Variants in GID4 observed in about 807,000 individuals in gnomAD.
The protein encoded by GID4 is GID complex subunit 4 homolog, also known as glucose-induced degradation protein 4 homolog.
In GID4, 7 loss-of-function variants were observed where a neutral mutation model predicts 32.4. The observed-to-expected ratio is 0.22, with a 90% confidence interval of 0.12 to 0.41. GID4 has a LOEUF of 0.41. GID4 is among the 10% of genes least tolerant of loss of function. The pLI, the probability that GID4 is intolerant of heterozygous loss-of-function variation, is 1.00. For synonymous variants in GID4, 166 were observed against 170.0 expected (o/e 0.98, Z 0.18); for missense variants, 309 against 400.0 (o/e 0.77, Z 1.94).
At chr17:18,040,006 G>A in intron 1 of GID4, 104 bp downstream of exon 1, 1 of 1,247,180 alleles carries the variant, frequency 8.0e-7, no homozygotes, top group Non-Finnish European at 1.0e-6. Flanking sequence ...GGCCCTCGCC[G>A]CCGGGGCCTC....
At chr17:18,046,344 C>T (rs922640740) in intron 2 of GID4, among the ~76,000 whole-genome samples, 2 of 152,192 alleles carry the variant, frequency 1.3e-5, no homozygotes, top group Non-Finnish European at 2.9e-5. Flanking sequence ...GTGGCTCACA[C>T]CTGTAATCCC....
At chr17:18,042,877 C>G (rs1277650913) in intron 1 of GID4, among the ~76,000 whole-genome samples, 1 of 152,180 alleles carries the variant, frequency 6.6e-6, no homozygotes, top group Non-Finnish European at 1.5e-5. Context: ...ATTTGAATTT[C>G]TATAATGACT....
At chr17:18,043,008 C>T (rs1275021528) in intron 1 of GID4, among the ~76,000 whole-genome samples, 3 of 152,172 alleles carry the variant, frequency 2.0e-5, no homozygotes, top group Admixed American at 6.5e-5. Flanking sequence ...TGGGTCTCCT[C>T]TCCACCCCGC....
At chr17:18,055,999 C>T (rs939536998) in intron 3 of GID4, among the ~76,000 whole-genome samples, 5 of 152,066 alleles carry the variant, frequency 3.3e-5, no homozygotes, top group Non-Finnish European at 5.9e-5. Context: ...GGATTACAGA[C>T]GTGCACCACC....
chr17:18,064,184 G>T (rs184758301), intron 5 of GID4, among the ~76,000 whole-genome samples: 1 of 152,234 alleles, frequency 6.6e-6, no homozygotes, highest in East Asian at 1.9e-4. Context: ...ATATACCTAG[G>T]AGTGAAATTG....
At position 18,053,993 on chromosome 17, in the gene GID4, A is replaced by G. The variant is rs528555482; in HGVS notation, c.499-134A>G. On this transcript the variant is annotated intron_variant, in intron 2 of 5. Coordinates refer to ENST00000268719, the MANE Select transcript of GID4 (RefSeq NM_024052.5). ...CCTGTTGGCAAACTGGCTGCGATCT[A>G]ACTCTGGTTTGGATTGTCAGGTAGC... 1.0e-5 allele frequency: 5 copies of G among 501,700 alleles called. No individual in the cohort carries two copies. In the South Asian group the frequency reaches 1.7e-4, roughly 17 times the overall value. 31.1% of individuals were successfully genotyped at this position (501,700 alleles called of 1,614,324 possible).
intron 2 of GID4, among the ~76,000 whole-genome samples, chr17:18,052,628 G>C (rs2044923517): frequency 6.6e-6 from 1 of 152,104 alleles, no homozygotes; most frequent in Non-Finnish European, 1.5e-5. Flanking sequence ...GTGCTTGGTT[G>C]GTTTCTACAA....
rs376405978 is a variant in GID4, at chr17:18,042,341, C to T, written c.438+2439C>T. Among the ~76,000 whole-genome samples the T allele has an allele frequency of 6.2e-4, 94 of 152,322 alleles. 1 individual carries two copies. The South Asian group carries it at 0.018, about 29-fold the overall frequency. The stretch of plus-strand genomic sequence containing the variant: ...TAACCCCCACTCCAATCCTAGGCAA[C>T]TGCTCATCTATTTTTGTTGTTGTTT... On this transcript the variant is annotated intron_variant, in intron 1 of 5. Coordinates refer to ENST00000268719, the MANE Select transcript of GID4 (RefSeq NM_024052.5).
In GID4 at chr17:18,065,319, C is replaced by A. The variant is rs2045051360; in HGVS notation, c.*76C>A. The A allele has an allele frequency of 1.9e-6, 2 of 1,063,082 alleles. No homozygotes were observed. Among genetic ancestry groups the A allele is most frequent in the Non-Finnish European group, 1.5e-6 (1 of 685,572 alleles). The allele number at this position is 1,063,082 out of a possible 1,614,324, so 65.9% of individuals were successfully genotyped here. A position where few individuals can be genotyped will look rare whatever the true frequency, so the allele number is the denominator to read the frequency against. ...TTTGCCGAGAAAATTGTGTACCTGC[C>A]AGAACCAGGAGAAGTGTGTTCCTGT... On this transcript the variant is annotated 3_prime_UTR_variant, in exon 6 of 6. Transcript: ENST00000268719.
chr17:18,062,078 T>C, intron 5 of GID4, 103 bp downstream of exon 5: 1 of 1,126,194 alleles, frequency 8.9e-7, no homozygotes. Flanking sequence ...TGTCTCTGTA[T>C]AGATTCTGTG....
At chr17:18,063,581 T>C (rs998993897) in intron 5 of GID4, among the ~76,000 whole-genome samples, 3 of 152,214 alleles carry the variant, frequency 2.0e-5, no homozygotes, top group Non-Finnish European at 4.4e-5. Context: ...CTTATGTATG[T>C]ATAGATTTGC....
intron 5 of GID4, among the ~76,000 whole-genome samples, chr17:18,064,507 G>C (rs2045043673): frequency 6.6e-6 from 1 of 152,118 alleles, no homozygotes; most frequent in Admixed American, 6.5e-5. Flanking sequence ...AAGTAGGGGA[G>C]AGCCAACTTG....
Position 18,065,530 on chromosome 17 carries a change from A to G in GID4, c.*287A>G, listed in dbSNP as rs2045053829. 4.9e-6 allele frequency: 2 copies of G among 412,234 alleles called. No homozygotes were observed. The highest frequency in any genetic ancestry group is 4.1e-5 in the African/African-American group (2 of 48,546). 25.5% of individuals were successfully genotyped at this position (412,234 alleles called of 1,614,324 possible). On this transcript the variant is annotated 3_prime_UTR_variant, in exon 6 of 6. Coordinates refer to ENST00000268719, the MANE Select transcript of GID4 (RefSeq NM_024052.5). ...TTTCCTTCCTGCACAGCTAACTTCT[A>G]CATCACTGAAATGCCCATTCCTTCC...
At chr17:18,050,311 C>T (rs1373026238) in intron 2 of GID4, among the ~76,000 whole-genome samples, 6 of 152,190 alleles carry the variant, frequency 3.9e-5, no homozygotes, top group African/African-American at 1.2e-4. Flanking sequence ...CATTGCAAAA[C>T]GGAGCTTTAA....
intron 1 of GID4, among the ~76,000 whole-genome samples, chr17:18,044,578 C>T (rs2044834270): frequency 6.6e-6 from 1 of 152,166 alleles, no homozygotes; most frequent in Admixed American, 6.5e-5. Context: ...TGGTTCATAA[C>T]TGAAGTTTAT....
intron 4 of GID4, among the ~76,000 whole-genome samples, chr17:18,060,442 C>T (rs1177425979): frequency 6.6e-6 from 1 of 150,824 alleles, no homozygotes; most frequent in Non-Finnish European, 1.5e-5. Flanking sequence ...GATCACCACT[C>T]TTCCAGTAGG....
chr17:18,049,364 C>CAAAAAAAAAAAAAAAGGAGATAAGTGTCA, intron 2 of GID4, among the ~76,000 whole-genome samples: 1 of 120,632 alleles, frequency 8.3e-6, no homozygotes, highest in East Asian at 2.4e-4. Flanking sequence ...AGATAAGTGT[C>CAAAAAAAAAAAAAAAGGAGATAAGTGTCA]AAAAAAAAAA....
rs757891822 is a variant in GID4, at chr17:18,039,937, C to A, written c.438+35C>A. On this transcript the variant is annotated intron_variant, in intron 1 of 5. Transcript: ENST00000268719. The surrounding 1 kb of genome is among the most constrained non-coding windows in gnomAD (Gnocchi z 5.3). ...GGGCCGGGCCGGGGCCCGAGGGCCT[C>A]CTCGCGGCGCTCACGGGCCGTGCCC... The A allele has an allele frequency of 1.2e-5, 16 of 1,335,306 alleles. No homozygotes were observed. The East Asian group carries it at 4.4e-4, about 37-fold the overall frequency. The allele number at this position is 1,335,306 out of a possible 1,614,324, so 82.7% of individuals were successfully genotyped here.
rs745555856 is a variant in GID4, at chr17:18,065,593, G to A, written c.*350G>A. On this transcript the variant is annotated 3_prime_UTR_variant, in exon 6 of 6. Transcript: ENST00000268719. ...CCAGCCGAATAGAAGGTCTGCTCCC[G>A]GATCACCCTCAGCCTTGGTGCTCAG... 38 of 328,348 alleles carry A rather than the reference G, an allele frequency of 1.2e-4. No individual in the cohort carries two copies. Among genetic ancestry groups the A allele is most frequent in the African/African-American group, 1.7e-4 (8 of 45,892 alleles). 20.3% of individuals were successfully genotyped at this position (328,348 alleles called of 1,614,324 possible).
Sources: allele counts gnomAD v4.1 joint callset (sites outside exome capture counted in the v4.1 genomes callset), GRCh38; gene constraint gnomAD v4.1.1; non-coding constraint Gnocchi (gnomAD v3.1); transcripts MANE v1.5; gene names NCBI Gene and HGNC (gene_info 2026-07-23, HGNC 2026-07-21).